Variants in NKD1 observed in about 807,000 individuals in gnomAD.
The protein encoded by NKD1 is protein naked cuticle homolog 1.
A neutral mutation model predicts 56.0 loss-of-function variants in NKD1; 21 were observed. The ratio of observed to expected loss-of-function variants is 0.38; its 90% CI spans 0.27 to 0.54. The LOEUF (loss-of-function observed/expected upper bound fraction) is 0.54, where lower values mean the gene tolerates loss of function less well. NKD1 is among the 20% of genes least tolerant of loss of function. The pLI, the probability that NKD1 is intolerant of heterozygous loss-of-function variation, is 0.82. For synonymous variants in NKD1, 263 were observed against 265.7 expected, an observed-to-expected ratio of 0.99 and a Z score of 0.10; for missense variants, 578 against 642.7, an observed-to-expected ratio of 0.90 and a Z score of 1.09.
Position 50,548,937 on chromosome 16 carries a change from C to G in NKD1, c.58+188C>G, listed in dbSNP as rs377328768. On this transcript the variant is annotated intron_variant, in intron 2 of 9. Coordinates refer to ENST00000268459, the MANE Select transcript of NKD1 (RefSeq NM_033119.5). ...TCCTCTGTCCCTCCTACCCGCTCCC[C>G]GCGGTCCTGCGCTCCCACCGCTGAC... 3.2e-5 allele frequency: 31 copies of G among 957,346 alleles called. 1 individual carries two copies. In the East Asian group the frequency reaches 2.5e-3, roughly 76 times the overall value. The allele number at this position is 957,346 out of a possible 1,614,324, so 59.3% of individuals were successfully genotyped here. A position where few individuals can be genotyped will look rare whatever the true frequency, so the allele number is the denominator to read the frequency against.
At chr16:50,570,077 T>C (rs908073621) in intron 3 of NKD1, among the ~76,000 whole-genome samples, 1 of 152,212 alleles carries the variant, frequency 6.6e-6, no homozygotes, top group Non-Finnish European at 1.5e-5. Flanking sequence ...ATGTCAACTT[T>C]TTTTTATTAA....
intron 3 of NKD1, 67 bp downstream of exon 3, chr16:50,549,622 C>T (rs1960332007): frequency 7.0e-7 from 1 of 1,423,012 alleles, no homozygotes; most frequent in Non-Finnish European, 9.4e-7. Flanking sequence ...TCCCCAAACC[C>T]ATGCACCCCA....
chr16:50,548,804 G>C, intron 2 of NKD1, 55 bp downstream of exon 2: 1 of 1,342,240 alleles, frequency 7.5e-7, no homozygotes, highest in Non-Finnish European at 9.5e-7. Flanking sequence ...CACCGCGGCC[G>C]CGGCAGAACG....
chr16:50,560,823 C>CATCTATCTATGTATCT (rs1555487410), intron 3 of NKD1, among the ~76,000 whole-genome samples: 1 of 148,546 alleles, frequency 6.7e-6, no homozygotes, highest in South Asian at 2.2e-4. Flanking sequence ...TACCCAAACC[C>CATCTATCTATGTATCT]ATCTATCTAT....
Position 50,608,938 on chromosome 16 carries a change from C to G in NKD1, c.259+578C>G, listed in dbSNP as rs1961780497. Among the ~76,000 whole-genome samples the G allele has an allele frequency of 2.0e-5, 3 of 152,210 alleles. No homozygotes were observed. The South Asian group carries it at 6.2e-4, about 32-fold the overall frequency. The stretch of plus-strand genomic sequence containing the variant: ...ACCTGGGCTCAAGTGATCCTCTCAC[C>G]TCAGCCTCTCAAGTAGCTAGGACTA... On this transcript the variant is annotated intron_variant, in intron 4 of 9. Coordinates refer to ENST00000268459, the MANE Select transcript of NKD1 (RefSeq NM_033119.5).
chr16:50,587,293 G>T (rs1961250659), intron 3 of NKD1, among the ~76,000 whole-genome samples: 1 of 152,220 alleles, frequency 6.6e-6, no homozygotes, highest in Admixed American at 6.5e-5. Context: ...ACTATGTCAA[G>T]ACTGCTAGCC....
intron 3 of NKD1, among the ~76,000 whole-genome samples, chr16:50,585,686 T>C (rs1258683781): frequency 6.6e-6 from 1 of 152,142 alleles, no homozygotes; most frequent in Non-Finnish European, 1.5e-5. Flanking sequence ...GCATTCCTCC[T>C]CTCTGTACCT....
chr16:50,632,258 C>G lies in NKD1; in HGVS notation c.696-23C>G. 6.2e-7 allele frequency: 1 copy of G among 1,613,530 alleles called. No homozygotes were observed. Among genetic ancestry groups the G allele is most frequent in the Non-Finnish European group, 8.5e-7 (1 of 1,179,576 alleles). On this transcript the variant is annotated intron_variant, in intron 8 of 9. Transcript: ENST00000268459. The surrounding 1 kb of genome is among the most constrained non-coding windows in gnomAD (Gnocchi z 4.1). ...CCACCTGGTGGTTGGTGTTATCCCACTCACTTGCCTCCCCTGCCGTAGGTT... is the reference window on the plus strand; with the variant it reads ...CCACCTGGTGGTTGGTGTTATCCCAGTCACTTGCCTCCCCTGCCGTAGGTT...
intron 4 of NKD1, among the ~76,000 whole-genome samples, chr16:50,621,391 G>A (rs1596750861): frequency 6.6e-6 from 1 of 152,370 alleles, no homozygotes; most frequent in African/African-American, 2.4e-5. Flanking sequence ...CACGGTGCAA[G>A]TGGGTGCACC....
At chr16:50,568,604 TC>T (rs1960815851) in intron 3 of NKD1, among the ~76,000 whole-genome samples, 1 of 152,148 alleles carries the variant, frequency 6.6e-6, no homozygotes, top group African/African-American at 2.4e-5. Context: ...AATCTACTCA[TC>T]CCACAGCTTC....
In NKD1 at chr16:50,580,808, G is replaced by A. The variant is rs190468314; in HGVS notation, c.193-27486G>A. ...CTGAATGTGGCTGTGCTCTTGGACA[G>A]GGCCTGTGTCCCCCAGAGCCCCTGC... On this transcript the variant is annotated intron_variant, in intron 3 of 9. Coordinates refer to ENST00000268459, the MANE Select transcript of NKD1 (RefSeq NM_033119.5). Among the ~76,000 whole-genome samples the A allele has an allele frequency of 5.9e-5, 9 of 152,326 alleles. No individual in the cohort carries two copies. The East Asian group carries it at 1.5e-3, about 26-fold the overall frequency.
chr16:50,589,205 C>G (rs969646237), intron 3 of NKD1, among the ~76,000 whole-genome samples: 2 of 152,116 alleles, frequency 1.3e-5, no homozygotes, highest in East Asian at 3.9e-4. Flanking sequence ...AAACTCAAGC[C>G]CCTGTTCTTT....
intron 3 of NKD1, chr16:50,574,813 G>A (rs1239575285): frequency 1.0e-6 from 1 of 985,266 alleles, no homozygotes; most frequent in Non-Finnish European, 1.2e-6. Flanking sequence ...CCTAAAGTTT[G>A]AACAGTAAAA....
At position 50,600,216 on chromosome 16, in the gene NKD1, G is replaced by T. The variant is rs144567916; in HGVS notation, c.193-8078G>T. Among the ~76,000 whole-genome samples the T allele has an allele frequency of 6.9e-4, 105 of 152,138 alleles. No individual in the cohort carries two copies. The East Asian group carries it at 0.02, about 29-fold the overall frequency. The stretch of plus-strand genomic sequence containing the variant: ...TAATGATTCTGAATTTGTTCAATAT[G>T]AATTGTCCTTAAAAAAACAAAACAA... On this transcript the variant is annotated intron_variant, in intron 3 of 9. Coordinates refer to ENST00000268459, the MANE Select transcript of NKD1 (RefSeq NM_033119.5).
At chr16:50,617,313 G>C (rs1961985621) in intron 4 of NKD1, among the ~76,000 whole-genome samples, 1 of 152,168 alleles carries the variant, frequency 6.6e-6, no homozygotes, top group African/African-American at 2.4e-5. Context: ...AACTGGGGGA[G>C]GGGAGAGGGA....
In NKD1 at chr16:50,639,550, C is replaced by T. The variant is rs749986; in HGVS notation, c.*5769C>T. The T allele has an allele frequency of 0.62, 93,557 of 152,046 alleles. 29,386 individuals are homozygous for T. The highest frequency in any genetic ancestry group is 0.67 in the Non-Finnish European group (45,490 of 68,018). 9.4% of individuals were successfully genotyped at this position (152,046 alleles called of 1,614,324 possible). Reference sequence around the variant, plus strand: ...CAGAGACAGCTCCACCTGCCCCCTGCCCCACCGGGGACCTCCAAAAACTTC... The same window carrying T: ...CAGAGACAGCTCCACCTGCCCCCTGTCCCACCGGGGACCTCCAAAAACTTC... On this transcript the variant is annotated 3_prime_UTR_variant, in exon 10 of 10. Coordinates refer to ENST00000268459, the MANE Select transcript of NKD1 (RefSeq NM_033119.5).
At chr16:50,580,856 C>A (rs1318356323) in intron 3 of NKD1, among the ~76,000 whole-genome samples, 1 of 152,212 alleles carries the variant, frequency 6.6e-6, no homozygotes, top group Admixed American at 6.5e-5. Flanking sequence ...CCCTGTTTCT[C>A]ATTTTTCTCT....
At chr16:50,624,616 C>T (rs532038311) in intron 5 of NKD1, among the ~76,000 whole-genome samples, 3 of 152,240 alleles carry the variant, frequency 2.0e-5, no homozygotes, top group Admixed American at 2.0e-4. Context: ...GTAGGGGAGG[C>T]GATCCTGGGG....
intron 5 of NKD1, among the ~76,000 whole-genome samples, chr16:50,624,273 A>G (rs1163139018): frequency 6.6e-6 from 1 of 151,982 alleles, no homozygotes; most frequent in African/African-American, 2.4e-5. Context: ...GCTTCCTAGA[A>G]CTGTCTATCT....
Sources: allele counts gnomAD v4.1 joint callset (sites outside exome capture counted in the v4.1 genomes callset), GRCh38; gene constraint gnomAD v4.1.1; non-coding constraint Gnocchi (gnomAD v3.1); transcripts MANE v1.5; gene names NCBI Gene and HGNC (gene_info 2026-07-23, HGNC 2026-07-21).